Variants in VPS13C observed in about 807,000 individuals in gnomAD.
The protein encoded by VPS13C is vacuolar protein sorting 13 homolog C, also known as intermembrane lipid transfer protein VPS13C.
A neutral mutation model predicts 456.8 loss-of-function variants in VPS13C; 358 were observed. The ratio of observed to expected loss-of-function variants is 0.78; its 90% CI spans 0.72 to 0.86. VPS13C has a LOEUF of 0.86. VPS13C is among the 40% of genes least tolerant of loss of function. The probability of loss-of-function intolerance (pLI) is 0.00; values close to 1 mark genes in which losing one functional copy is unlikely to be tolerated. For synonymous variants in VPS13C, 1,578 were observed against 1,486.7 expected (o/e 1.06, Z -1.41); for missense variants, 4,818 against 4,385.4 (o/e 1.10, Z -2.79).
At chr15:62,038,759 G>GA (rs1279755032) in intron 3 of VPS13C, among the ~76,000 whole-genome samples, 4 of 151,470 alleles carry the variant, frequency 2.6e-5, no homozygotes, top group African/African-American at 7.3e-5. Flanking sequence ...AACTGAACAA[G>GA]AAAAAAACAA....
In VPS13C at chr15:61,975,320, T is replaced by A. The variant is rs139668594; in HGVS notation, c.2409-903A>T. Among the ~76,000 whole-genome samples, 17 of 152,042 alleles carry A rather than the reference T, an allele frequency of 1.1e-4. No homozygotes were observed. The East Asian group carries it at 2.7e-3, about 24-fold the overall frequency. On this transcript the variant is annotated intron_variant, in intron 24 of 84. Transcript: ENST00000644861. Reference sequence around the variant, plus strand: ...AAAAAAAGAATCAAAAGAGAGAAGATAATGGAAACCAATAGCTGGTTCTCC... The same window carrying A: ...AAAAAAAGAATCAAAAGAGAGAAGAAAATGGAAACCAATAGCTGGTTCTCC...
chr15:61,870,190 T>C (rs114676045), intron 79 of VPS13C, among the ~76,000 whole-genome samples: 1,780 of 152,284 alleles, frequency 0.012, 44 homozygotes, highest in African/African-American at 0.041. Context: ...GTTTATCATT[T>C]TAAAAAGAAA....
chr15:62,057,017 C>T (rs2048824929), intron 1 of VPS13C, among the ~76,000 whole-genome samples: 1 of 152,068 alleles, frequency 6.6e-6, no homozygotes, highest in African/African-American at 2.4e-5. Flanking sequence ...CCGGTCTCCG[C>T]GCATTGGTGG....
Position 61,899,879 on chromosome 15 carries a change from A to C in VPS13C, c.9105+7385T>G, listed in dbSNP as rs1015941283. ...AAATCCTGAATAAAATACTGGCAAA[A>C]CGAATCCAGCAGCACATCAAAAAGC... On this transcript the variant is annotated intron_variant, in intron 66 of 84. Coordinates refer to ENST00000644861, the MANE Select transcript of VPS13C (RefSeq NM_020821.3). 9.0e-4 allele frequency among the ~76,000 whole-genome samples: 137 copies of C among 151,938 alleles called. 1 individual carries two copies. Among genetic ancestry groups the C allele is most frequent in the Middle Eastern group, 3.4e-3 (1 of 294 alleles).
At position 61,915,836 on chromosome 15, in the gene VPS13C, C is replaced by T; in HGVS notation, c.8242G>A (p.Val2748Met). 1 of 1,614,044 alleles carries T rather than the reference C, an allele frequency of 6.2e-7. No homozygotes were observed. Among genetic ancestry groups the T allele is most frequent in the East Asian group, 2.2e-5 (1 of 44,866 alleles). Residue 2748 changes from valine to methionine, a missense_variant, in exon 61 of 85, where the codon GTG becomes ATG. Coordinates refer to ENST00000644861, the MANE Select transcript of VPS13C (RefSeq NM_020821.3). The part of the protein sequence containing the change: ...PVCFSSDSTE[V>M]TTVDLSVHVR... Reference sequence around the variant, plus strand: ...TGGACTGACAGGTCGACTGTCGTCACTTCTGTGGAGTCAGAAGAAAAACAC... The same window carrying T: ...TGGACTGACAGGTCGACTGTCGTCATTTCTGTGGAGTCAGAAGAAAAACAC...
In VPS13C at chr15:61,945,793, G is replaced by C. The variant is rs2044584216; in HGVS notation, c.5070C>G (p.Ser1690=). Residue 1690 remains serine (S), a synonymous_variant, in exon 45 of 85, where the codon TCC becomes TCG. Transcript: ENST00000644861. ...ATEGEAYADM[S]KVDGKLSFKV... is the part of the protein sequence containing the mutation. ...TAAAACTAAGTTTGCCGTCTACTTT[G>C]GACATATCAGCATAGGCCTCTCCTT... 6.2e-7 allele frequency: 1 copy of C among 1,613,302 alleles called. No homozygotes were observed. The highest frequency in any genetic ancestry group is 1.7e-5 in the Admixed American group (1 of 59,944).
chr15:61,933,400 T>C (rs1178957064), intron 49 of VPS13C, among the ~76,000 whole-genome samples: 1 of 152,120 alleles, frequency 6.6e-6, no homozygotes, highest in Non-Finnish European at 1.5e-5. Flanking sequence ...GCATAATTTG[T>C]AGTAAATAAA....
chr15:61,882,751 CAT>C lies in VPS13C; in HGVS notation c.9484-17_9484-16del, dbSNP rs568949917. On this transcript the variant is annotated splice_polypyrimidine_tract_variant and intron_variant, in intron 68 of 84. Coordinates refer to ENST00000644861, the MANE Select transcript of VPS13C (RefSeq NM_020821.3). ...TCAAAATTGACCTAGAAAAAAAGCACATGTTTTTGTGATGAGCTGATATTAGC... is the reference window on the plus strand; with the variant it reads ...TCAAAATTGACCTAGAAAAAAAGCACGTTTTTGTGATGAGCTGATATTAGC... The C allele has an allele frequency of 1.6e-4, 248 of 1,579,446 alleles. 1 individual carries two copies. The highest frequency in any genetic ancestry group is 5.1e-4 in the Middle Eastern group (3 of 5,886).
At chr15:61,920,964 C>A (rs904278377) in intron 55 of VPS13C, among the ~76,000 whole-genome samples, 4 of 152,090 alleles carry the variant, frequency 2.6e-5, no homozygotes, top group Non-Finnish European at 5.9e-5. Context: ...TATGTGTTGA[C>A]GAGCAATCTA....
chr15:61,946,064 G>C (rs1022816235), intron 44 of VPS13C, among the ~76,000 whole-genome samples, 182 bp from the exon 45 acceptor site: 1 of 151,992 alleles, frequency 6.6e-6, no homozygotes, highest in East Asian at 1.9e-4. Context: ...TCTATAAAAA[G>C]CATTTTATCA....
At chr15:61,941,462 C>T (rs910105412) in intron 46 of VPS13C, among the ~76,000 whole-genome samples, 3 of 151,808 alleles carry the variant, frequency 2.0e-5, no homozygotes, top group African/African-American at 4.8e-5. Flanking sequence ...GAAATAGCTA[C>T]GTGCAAAGTG....
At chr15:62,044,081 A>C in intron 2 of VPS13C, 131 bp downstream of exon 2, 1 of 570,056 alleles carries the variant, frequency 1.8e-6, no homozygotes. Flanking sequence ...AACAGCAAAT[A>C]GTTGAACAAG....
rs767013031 is a variant in VPS13C at position 61,991,659 on chromosome 15, G to C, written c.1483+14C>G. The stretch of plus-strand genomic sequence containing the variant: ...CTTAACACTGTACAATAAGTTATTT[G>C]ACTTGGAACTTACTTTCAGGAATCA... On this transcript the variant is annotated intron_variant, in intron 17 of 84. Coordinates refer to ENST00000644861, the MANE Select transcript of VPS13C (RefSeq NM_020821.3). 3.5e-5 allele frequency: 56 copies of C among 1,608,688 alleles called. No homozygotes were observed. Among genetic ancestry groups the C allele is most frequent in the Middle Eastern group, 1.7e-4 (1 of 6,050 alleles).
chr15:61,864,782 C>G, intron 81 of VPS13C: 9 of 985,068 alleles, frequency 9.1e-6, no homozygotes, highest in Non-Finnish European at 1.1e-5. Flanking sequence ...TTCACTTGTG[C>G]GAATTAGTTA....
At chr15:61,962,993 A>G in intron 32 of VPS13C, 141 bp from the exon 33 acceptor site, 1 of 538,846 alleles carries the variant, frequency 1.9e-6, no homozygotes, top group Non-Finnish European at 3.1e-6. Context: ...AAGTTGCAAT[A>G]TTAGAGTTTT....
intron 51 of VPS13C, 146 bp from the exon 52 acceptor site, chr15:61,927,466 C>T: frequency 1.6e-6 from 1 of 625,384 alleles, no homozygotes; most frequent in Non-Finnish European, 2.8e-6. Context: ...TTAATTAATA[C>T]TAATTATTAA....
At chr15:61,859,042 T>C (rs1467216368) in intron 82 of VPS13C, among the ~76,000 whole-genome samples, 1 of 152,296 alleles carries the variant, frequency 6.6e-6, no homozygotes, top group Non-Finnish European at 1.5e-5. Context: ...GTGTGTACTA[T>C]TCTGTGTGAG....
rs1359448563 is a variant in VPS13C, at chr15:61,875,783, T to A, written c.10287A>T (p.Leu3429Phe). The change falls in exon 76 of 85, where the codon TTA becomes TTT. Residue 3429 changes from leucine (L) to phenylalanine (F), a missense_variant. Around this residue, in one of 3 missense-constraint regions of VPS13C, gnomAD observed 4,552 missense variants for 4,130.6 expected, o/e 1.10. Coordinates refer to ENST00000644861, the MANE Select transcript of VPS13C (RefSeq NM_020821.3). ...GLDVLGNPFG[L>F]IRGLSEGVEA... is the part of the protein sequence containing the mutation. ...CAACTCCTTCAGACAGACCTCTAAT[T>A]AATCCAAATGGGTTTCCAAGTACAT... is the stretch of plus-strand genomic sequence containing the variant. The A allele has an allele frequency of 1.9e-6, 3 of 1,609,650 alleles. No homozygotes were observed. The highest frequency in any genetic ancestry group is 2.5e-6 in the Non-Finnish European group (3 of 1,178,366).
chr15:61,915,890 G>T lies in VPS13C; in HGVS notation c.8188C>A (p.Arg2730Ser). 6.2e-7 allele frequency: 1 copy of T among 1,613,894 alleles called. No individual in the cohort carries two copies. Among genetic ancestry groups the T allele is most frequent in the Non-Finnish European group, 8.5e-7 (1 of 1,180,008 alleles). ...GKNWNGHFRI[R>S]DTLPEFFPVC... ...GGAAAGAATTCTGGTAGTGTATCAC[G>T]TATGCGGAAATGTCCATTCCAGTTT... The change falls in exon 61 of 85, where the codon CGT (arginine) becomes AGT (serine). Residue 2730 changes from arginine to serine, a missense_variant. Physicochemically the swap from Arg to Ser is moderately radical, Grantham distance 110 (BLOSUM62 -1). Transcript: ENST00000644861.
Sources: gnomAD v4.1 joint callset for allele counts (sites outside exome capture counted in the v4.1 genomes callset) on GRCh38, gnomAD v4.1.1 for gene constraint, gnomAD v4.1.1 regional missense constraint, MANE v1.5 for transcripts, NCBI Gene and HGNC (gene_info 2026-07-23, HGNC 2026-07-21) for gene names.